The following MYO16 variants were observed in gnomAD, a reference collection of about 807,000 sequenced individuals.
MYO16 encodes the protein myosin XVI.
A neutral mutation model predicts 205.3 loss-of-function variants in MYO16; 94 were observed. The observed-to-expected ratio is 0.46, with a 90% CI of 0.39 to 0.54. The LOEUF (loss-of-function observed/expected upper bound fraction) is 0.54. MYO16 is among the 20% of genes least tolerant of loss of function. The pLI, the probability that MYO16 is intolerant of heterozygous loss-of-function variation, is 0.00. For missense variants in MYO16, 2,315 were observed against 2,387.5 expected, an observed-to-expected ratio of 0.97 and a Z score of 0.63; for synonymous variants, 988 against 954.0, an observed-to-expected ratio of 1.04 and a Z score of -0.66.
At position 109,127,270 on chromosome 13, in the gene MYO16, T is replaced by C; in HGVS notation, c.3783-12T>C. The C allele has an allele frequency of 1.3e-6, 2 of 1,557,204 alleles. No individual in the cohort carries two copies. Among genetic ancestry groups the C allele is most frequent in the Non-Finnish European group, 1.7e-6 (2 of 1,146,680 alleles). On this transcript the variant is annotated splice_polypyrimidine_tract_variant and intron_variant, in intron 30 of 34. Transcript: ENST00000457511. The surrounding 1 kb of genome is among the most constrained non-coding windows in gnomAD (Gnocchi z 4.2). Reference sequence around the variant, plus strand: ...CTGGCGTGGTGCTGTTTGTGTTTTGTTTCCCCCTAAGAACCGATGACAAGA... The same window carrying C: ...CTGGCGTGGTGCTGTTTGTGTTTTGCTTCCCCCTAAGAACCGATGACAAGA...
chr13:108,728,931 G>A (rs1222828048), intron 4 of MYO16, among the ~76,000 whole-genome samples: 3 of 151,578 alleles, frequency 2.0e-5, no homozygotes, highest in Admixed American at 6.6e-5. Flanking sequence ...TCTTGTAGGA[G>A]GTTTAATTTT....
chr13:109,145,719 G>C (rs1207483966), intron 32 of MYO16, among the ~76,000 whole-genome samples: 1 of 152,218 alleles, frequency 6.6e-6, no homozygotes, highest in Middle Eastern at 3.2e-3. Flanking sequence ...GTGAATGAGA[G>C]TCCTTGGCTC....
intron 31 of MYO16, among the ~76,000 whole-genome samples, chr13:109,130,254 G>A (rs939976359): frequency 1.3e-5 from 2 of 152,108 alleles, no homozygotes; most frequent in African/African-American, 2.4e-5. Flanking sequence ...TGACTATAAG[G>A]TACTTAGAGA....
chr13:108,791,661 A>G (rs1203171322), intron 5 of MYO16, among the ~76,000 whole-genome samples: 1 of 152,148 alleles, frequency 6.6e-6, no homozygotes, highest in African/African-American at 2.4e-5. Flanking sequence ...AGGCTCGGAG[A>G]AGGAGCTGTG....
At chr13:108,773,982 T>C (rs1886049532) in intron 4 of MYO16, among the ~76,000 whole-genome samples, 1 of 152,032 alleles carries the variant, frequency 6.6e-6, no homozygotes, top group South Asian at 2.1e-4. Flanking sequence ...ATCCAAGCCC[T>C]TGGGAGTCTG....
At chr13:109,166,227 C>A (rs1869411675) in intron 33 of MYO16, among the ~76,000 whole-genome samples, 1 of 152,092 alleles carries the variant, frequency 6.6e-6, no homozygotes, top group African/African-American at 2.4e-5. Context: ...CGAAATAAAA[C>A]AACGAGAATT....
chr13:108,504,361 A>G, the MYO16 span, among the ~76,000 whole-genome samples: 4 of 151,898 alleles, frequency 2.6e-5, no homozygotes, highest in Non-Finnish European at 4.4e-5. Flanking sequence ...CCCTGACCTC[A>G]GGTGATCCAC....
At chr13:109,202,955 C>T (rs1880453439) in intron 34 of MYO16, among the ~76,000 whole-genome samples, 1 of 152,076 alleles carries the variant, frequency 6.6e-6, no homozygotes. Flanking sequence ...GGAAAGACAC[C>T]CTATTCAACA....
intron 31 of MYO16, among the ~76,000 whole-genome samples, chr13:109,135,450 T>C (rs1272545377): frequency 6.6e-6 from 1 of 152,210 alleles, no homozygotes; most frequent in African/African-American, 2.4e-5. Flanking sequence ...TGTTTGGGGC[T>C]AGTAGTTTTT....
At chr13:108,794,193 A>T (rs1246766121) in intron 6 of MYO16, among the ~76,000 whole-genome samples, 2 of 132,414 alleles carry the variant, frequency 1.5e-5, no homozygotes, top group Admixed American at 7.5e-5. Flanking sequence ...GGGTGGGAGG[A>T]GGGTGAGAAT....
chr13:109,029,308 G>T (rs1156239507), intron 23 of MYO16, among the ~76,000 whole-genome samples: 1 of 151,714 alleles, frequency 6.6e-6, no homozygotes, highest in African/African-American at 2.4e-5. Context: ...TAGAGACAGG[G>T]TTTCACCATG....
chr13:108,752,176 T>C (rs1475175414), intron 4 of MYO16, among the ~76,000 whole-genome samples: 1 of 152,202 alleles, frequency 6.6e-6, no homozygotes, highest in African/African-American at 2.4e-5. Flanking sequence ...TTAAAATGTA[T>C]TTTTAAATGT....
intron 16 of MYO16, among the ~76,000 whole-genome samples, chr13:108,948,496 G>A (rs780790934): frequency 2.6e-5 from 4 of 152,220 alleles, no homozygotes; most frequent in South Asian, 2.1e-4. Context: ...TTTCATGCGC[G>A]CTGATCTCTG....
In MYO16 at chr13:108,658,751, G is replaced by A. The variant is rs569897022; in HGVS notation, c.29-7135G>A. ...CCATTTTCAATTATGTTAAGAAAAC[G>A]CCTGTGTAATTTTGGTTCCTCAGAA... On this transcript the variant is annotated intron_variant, in intron 1 of 34. Transcript: ENST00000457511. Among the ~76,000 whole-genome samples, 41 of 152,144 alleles carry A rather than the reference G, an allele frequency of 2.7e-4. No homozygotes were observed. In the East Asian group the frequency reaches 6.9e-3, roughly 26 times the overall value.
At chr13:108,783,260 G>A in intron 4 of MYO16, among the ~76,000 whole-genome samples, 1 of 152,202 alleles carries the variant, frequency 6.6e-6, no homozygotes, top group East Asian at 1.9e-4. Context: ...GGAGTAAAAG[G>A]AGATCATTTT....
intron 2 of MYO16, among the ~76,000 whole-genome samples, chr13:108,688,602 G>T (rs1416760157): frequency 2.0e-5 from 3 of 152,080 alleles, no homozygotes; most frequent in Non-Finnish European, 4.4e-5. Flanking sequence ...ACTTCCCATA[G>T]GTTTCTTCAT....
intron 3 of MYO16, among the ~76,000 whole-genome samples, chr13:108,723,306 GTC>G (rs1248223456): frequency 6.6e-6 from 1 of 151,072 alleles, no homozygotes; most frequent in Non-Finnish European, 1.5e-5. Flanking sequence ...GTTATGGCTT[GTC>G]TTTTTATTCA....
chr13:108,531,050 G>A, the MYO16 span, among the ~76,000 whole-genome samples: 2 of 152,108 alleles, frequency 1.3e-5, no homozygotes, highest in Non-Finnish European at 2.9e-5. Flanking sequence ...ACAAAGATCA[G>A]CCTTGCTGGT....
chr13:108,652,652 T>C (rs761259909), intron 1 of MYO16, among the ~76,000 whole-genome samples: 3 of 152,172 alleles, frequency 2.0e-5, no homozygotes, highest in Non-Finnish European at 4.4e-5. Flanking sequence ...AATCCTACAG[T>C]ATTTATCTTT....
Sources: allele counts gnomAD v4.1 joint callset (sites outside exome capture counted in the v4.1 genomes callset), GRCh38; gene constraint gnomAD v4.1.1; non-coding constraint Gnocchi (gnomAD v3.1); transcripts MANE v1.5; gene names NCBI Gene and HGNC (gene_info 2026-07-23, HGNC 2026-07-21).